The following CTSA variants were observed in gnomAD, a reference collection of about 807,000 sequenced individuals.
CTSA encodes the protein lysosomal protective protein.
In CTSA, 42 loss-of-function variants were observed where a neutral mutation model predicts 66.7. That is an observed-to-expected ratio of 0.63 (90% CI 0.49 to 0.81). The LOEUF is 0.81. CTSA is among the 40% of genes least tolerant of loss of function. The pLI, the probability that CTSA is intolerant of heterozygous loss-of-function variation, is 0.00. For synonymous variants in CTSA, 225 were observed against 248.6 expected, an observed-to-expected ratio of 0.91 and a Z score of 0.89; for missense variants, 525 against 610.9, an observed-to-expected ratio of 0.86 and a Z score of 1.48.
rs2083130060 is a variant in CTSA at position 45,898,033 on chromosome 20, T to C, written c.1283T>C (p.Val428Ala). ...KMEVQRRPWL[V>A]KYGDSGEQIA... ...GAGGTGCAGCGCCGGCCCTGGTTAG[T>C]GAAGTACGGGGACAGCGGGGAGCAG... Residue 428 changes from valine to alanine, a missense_variant, in exon 14 of 15, where the codon GTG (valine) becomes GCG (alanine). Val to Ala is a moderately conservative substitution (Grantham distance 64, BLOSUM62 0). Coordinates refer to ENST00000646241, the MANE Select transcript of CTSA (RefSeq NM_000308.4). The surrounding 1 kb of genome is among the most constrained non-coding windows in gnomAD (Gnocchi z 4.6). 6.2e-7 allele frequency: 1 copy of C among 1,613,920 alleles called. No homozygotes were observed. Among genetic ancestry groups the C allele is most frequent in the Admixed American group, 1.7e-5 (1 of 59,990 alleles).
Position 45,898,704 on chromosome 20 carries a change from A to T in CTSA, c.*254A>T. On this transcript the variant is annotated 3_prime_UTR_variant, in exon 15 of 15. Coordinates refer to ENST00000646241, the MANE Select transcript of CTSA (RefSeq NM_000308.4). The surrounding 1 kb of genome is among the most constrained non-coding windows in gnomAD (Gnocchi z 4.6). ...CTTCTCTGCTTAAAGAATGCCCTTT[A>T]TGATGCACTGATTCCATCCCAGGAA... 1.5e-6 allele frequency: 1 copy of T among 656,600 alleles called. No homozygotes were observed. The highest frequency in any genetic ancestry group is 2.6e-6 in the Non-Finnish European group (1 of 378,480). 40.7% of individuals were successfully genotyped at this position (656,600 alleles called of 1,614,324 possible).
At chr20:45,892,993 T>A (rs1336559566) in intron 6 of CTSA, 113 bp downstream of exon 6, 49 of 1,284,908 alleles carry the variant, frequency 3.8e-5, no homozygotes, top group Non-Finnish European at 5.2e-5. Context: ...CTGCATAACC[T>A]CCCCACCACC....
chr20:45,898,336 G>A lies in CTSA; in HGVS notation c.1360-31G>A. On this transcript the variant is annotated intron_variant, in intron 14 of 14. Transcript: ENST00000646241. This position sits in a 1 kb window ranked among gnomAD's most constrained non-coding sequence, Gnocchi z 4.6. The stretch of plus-strand genomic sequence containing the variant: ...GTTATATGGGGAGGAGGGAATGGTG[G>A]GGTCAGGAGCTCACGAACATTGCTC... 1 of 1,588,942 alleles carries A rather than the reference G, an allele frequency of 6.3e-7. No individual in the cohort carries two copies. Among genetic ancestry groups the A allele is most frequent in the Non-Finnish European group, 8.6e-7 (1 of 1,159,120 alleles).
Position 45,891,644 on chromosome 20 carries a change from G to A in CTSA, c.76G>A (p.Gly26Ser), listed in dbSNP as rs1352666684. Reference sequence around the variant, plus strand: ...GCTGCTAGTGTCCTGGGCGTCCCGAGGCGAGGCAGCCCCCGACCAGGACGA... The same window carrying A: ...GCTGCTAGTGTCCTGGGCGTCCCGAAGCGAGGCAGCCCCCGACCAGGACGA... Reference protein sequence around the residue: ...LLLLVSWASRGEAAPDQDEIQ... With the variant: ...LLLLVSWASRSEAAPDQDEIQ... The change falls in exon 2 of 15, where the codon GGC becomes AGC. Residue 26 changes from glycine to serine, a missense_variant. Coordinates refer to ENST00000646241, the MANE Select transcript of CTSA (RefSeq NM_000308.4). The surrounding 1 kb of genome is among the most constrained non-coding windows in gnomAD (Gnocchi z 4.6). 4 of 1,612,150 alleles carry A rather than the reference G, an allele frequency of 2.5e-6. No individual in the cohort carries two copies. The African/African-American group carries it at 4.0e-5, about 16-fold the overall frequency.
chr20:45,893,658 A>G (rs1987091780), intron 7 of CTSA, among the ~76,000 whole-genome samples: 1 of 151,750 alleles, frequency 6.6e-6, no homozygotes, highest in African/African-American at 2.4e-5. Context: ...AATTTTTTGT[A>G]TTTTTAGTAG....
rs1284144506 is a variant in CTSA, at chr20:45,898,564, C to T, written c.*114C>T. The T allele has an allele frequency of 2.9e-6, 3 of 1,043,348 alleles. No individual in the cohort carries two copies. The highest frequency in any genetic ancestry group is 4.3e-6 in the Non-Finnish European group (3 of 694,234). The allele number at this position is 1,043,348 out of a possible 1,614,324, so 64.6% of individuals were successfully genotyped here. A position where few individuals can be genotyped will look rare whatever the true frequency, so the allele number is the denominator to read the frequency against. ...AGGCCGGGTTCTGCCGCCAGGACTGCCCCCTTCCCAGAGCCCTGTACATCC... is the reference window on the plus strand; with the variant it reads ...AGGCCGGGTTCTGCCGCCAGGACTGTCCCCTTCCCAGAGCCCTGTACATCC... On this transcript the variant is annotated 3_prime_UTR_variant, in exon 15 of 15. Coordinates refer to ENST00000646241, the MANE Select transcript of CTSA (RefSeq NM_000308.4). The surrounding 1 kb of genome is among the most constrained non-coding windows in gnomAD (Gnocchi z 4.6).
rs767533247 is a variant in CTSA at position 45,897,689 on chromosome 20, C to G, written c.1165-28C>G. 5.0e-6 allele frequency: 7 copies of G among 1,393,820 alleles called. No individual in the cohort carries two copies. In the South Asian group the frequency reaches 8.1e-5, roughly 16 times the overall value. 86.3% of individuals were successfully genotyped at this position (1,393,820 alleles called of 1,614,324 possible). The stretch of plus-strand genomic sequence containing the variant: ...GCTGGGGACTGGGCTTGTTCCACAC[C>G]CCTCATTTTTACCCCATCCTGCTTT... On this transcript the variant is annotated intron_variant, in intron 12 of 14. Transcript: ENST00000646241.
rs768610868 is a variant in CTSA at position 45,893,231 on chromosome 20, G to T, written c.612G>T (p.Val204=). 1 of 1,614,090 alleles carries T rather than the reference G, an allele frequency of 6.2e-7. No homozygotes were observed. The highest frequency in any genetic ancestry group is 2.2e-5 in the East Asian group (1 of 44,884). The stretch of plus-strand genomic sequence containing the variant: ...TGGGTGTTTCACAGGGGCTGGCTGT[G>T]GGCAATGGACTCTCCTCCTATGAGC... ...DPSMNLQGLA[V]GNGLSSYEQN... Residue 204 remains valine, a synonymous_variant, in exon 7 of 15, where the codon GTG becomes GTT. Transcript: ENST00000646241.
In CTSA at chr20:45,892,441, T is replaced by C; in HGVS notation, c.401T>C (p.Phe134Ser). 1 of 1,614,178 alleles carries C rather than the reference T, an allele frequency of 6.2e-7. No homozygotes were observed. Residue 134 changes from phenylalanine to serine, a missense_variant, in exon 5 of 15, where the codon TTC becomes TCC. This residue lies in a region of CTSA where 246 missense variants were observed against 267.4 expected (regional missense o/e 0.92). Coordinates refer to ENST00000646241, the MANE Select transcript of CTSA (RefSeq NM_000308.4). ...LYLESPAGVGFSYSDDKFYAT... is the reference protein window; with the variant it reads ...LYLESPAGVGSSYSDDKFYAT... ...CTGGAGTCCCCAGCTGGGGTGGGCTTCTCCTACTCCGATGACAAGTTTTAT... is the reference window on the plus strand; with the variant it reads ...CTGGAGTCCCCAGCTGGGGTGGGCTCCTCCTACTCCGATGACAAGTTTTAT...
chr20:45,892,907 G>A (rs1361035712), intron 6 of CTSA, 27 bp downstream of exon 6: 2 of 1,612,740 alleles, frequency 1.2e-6, no homozygotes, highest in Non-Finnish European at 1.7e-6. Flanking sequence ...GGAGGGAAGG[G>A]AGGTAGCTTG....
At position 45,891,523 on chromosome 20, in the gene CTSA, G is replaced by T; in HGVS notation, c.1-46G>T. ...GCAACTCCCCGGGGGCTGCTGCACG[G>T]AAGCGCTGAGGAGCGAGTCAACAGC... On this transcript the variant is annotated intron_variant, in intron 1 of 14. Transcript: ENST00000646241. The surrounding 1 kb of genome is among the most constrained non-coding windows in gnomAD (Gnocchi z 4.6). 3.2e-6 allele frequency: 5 copies of T among 1,568,306 alleles called. No individual in the cohort carries two copies. Among genetic ancestry groups the T allele is most frequent in the Non-Finnish European group, 4.3e-6 (5 of 1,160,294 alleles).
intron 8 of CTSA, 105 bp downstream of exon 8, chr20:45,894,177 T>G: frequency 1.2e-6 from 1 of 857,802 alleles, no homozygotes; most frequent in South Asian, 1.3e-5. Context: ...CTCATTGCTT[T>G]CTTGCACCTT....
At chr20:45,895,230 A>C in intron 11 of CTSA, 97 bp downstream of exon 11, 13 of 1,419,896 alleles carry the variant, frequency 9.2e-6, no homozygotes, top group South Asian at 1.2e-5. Flanking sequence ...AGAGTTTCTC[A>C]ATGAGATGAG....
Position 45,892,525 on chromosome 20 carries a change from C to T in CTSA, c.444+41C>T, listed in dbSNP as rs770887898. ...GCCCATCTGCCCCAGGCTCCCCGGTCCTCCATCCATGGCATGATGCTGGGA... is the reference window on the plus strand; with the variant it reads ...GCCCATCTGCCCCAGGCTCCCCGGTTCTCCATCCATGGCATGATGCTGGGA... On this transcript the variant is annotated intron_variant, in intron 5 of 14. Coordinates refer to ENST00000646241, the MANE Select transcript of CTSA (RefSeq NM_000308.4). 1.1e-5 allele frequency: 17 copies of T among 1,587,076 alleles called. 1 individual carries two copies. Among genetic ancestry groups the T allele is most frequent in the Non-Finnish European group, 1.4e-5 (16 of 1,155,718 alleles).
At chr20:45,897,605 C>A in intron 12 of CTSA, 112 bp from the exon 13 acceptor site, 1 of 746,134 alleles carries the variant, frequency 1.3e-6, no homozygotes. Context: ...TTCCCTGGTT[C>A]GTGTTATCTA....
In CTSA at chr20:45,893,255, G is replaced by A; in HGVS notation, c.636G>A (p.Glu212=). 1.9e-6 allele frequency: 3 copies of A among 1,614,168 alleles called. No homozygotes were observed. The highest frequency in any genetic ancestry group is 2.5e-6 in the Non-Finnish European group (3 of 1,180,032). Reference sequence around the variant, plus strand: ...TGGGCAATGGACTCTCCTCCTATGAGCAGAATGACAACTCCCTGGTCTACT... The same window carrying A: ...TGGGCAATGGACTCTCCTCCTATGAACAGAATGACAACTCCCTGGTCTACT... ...LAVGNGLSSY[E]QNDNSLVYFA... is the part of the protein sequence containing the mutation. The change falls in exon 7 of 15, where the codon GAG becomes GAA. Residue 212 remains glutamate, a synonymous_variant. Coordinates refer to ENST00000646241, the MANE Select transcript of CTSA (RefSeq NM_000308.4).
Position 45,891,681 on chromosome 20 carries a change from TC to T in CTSA, c.117del (p.Leu41TrpfsTer51). 1 of 1,612,994 alleles carries T rather than the reference TC, an allele frequency of 6.2e-7. No homozygotes were observed. The highest frequency in any genetic ancestry group is 8.5e-7 in the Non-Finnish European group (1 of 1,179,968). ...AAPDQDEIQR[L>X]PGLAKQPSFR... is the part of the protein sequence containing the mutation. ...CCCGACCAGGACGAGATCCAGCGCC[TC>T]CCCGGGCTGGCCAAGCAGCCGTCTT... On this transcript the variant is annotated frameshift_variant, in exon 2 of 15. Transcript: ENST00000646241. LOFTEE classifies it high-confidence loss of function. This position sits in a 1 kb window ranked among gnomAD's most constrained non-coding sequence, Gnocchi z 4.6.
intron 8 of CTSA, 72 bp downstream of exon 8, chr20:45,894,144 T>A (rs1386936109): frequency 1.6e-5 from 17 of 1,062,250 alleles, no homozygotes; most frequent in Non-Finnish European, 2.4e-5. Flanking sequence ...ATTCCCTCCT[T>A]GGGGACTCCT....
chr20:45,894,211 A>G, intron 8 of CTSA, 139 bp downstream of exon 8: 1 of 734,802 alleles, frequency 1.4e-6, no homozygotes, highest in South Asian at 1.4e-5. Context: ...GTTCTCTGGG[A>G]CATGTGTCTA....
Sources: allele counts gnomAD v4.1 joint callset (sites outside exome capture counted in the v4.1 genomes callset), GRCh38; gene constraint gnomAD v4.1.1; regional missense constraint gnomAD v4.1.1; non-coding constraint Gnocchi (gnomAD v3.1); transcripts MANE v1.5; gene names NCBI Gene and HGNC (gene_info 2026-07-23, HGNC 2026-07-21).